The following NOL4 variants were observed in gnomAD, a reference collection of about 807,000 sequenced individuals.
NOL4 encodes the protein cancer/testis antigen 125.
A neutral mutation model predicts 75.9 loss-of-function variants in NOL4; 17 were observed. The ratio of observed to expected loss-of-function variants is 0.22; its 90% CI spans 0.15 to 0.34. NOL4 has a LOEUF of 0.34. NOL4 is among the 10% of genes least tolerant of loss of function. The pLI, the probability that NOL4 is intolerant of heterozygous loss-of-function variation, is 1.00. For synonymous variants in NOL4, 292 were observed against 289.9 expected (o/e 1.01, Z -0.07); for missense variants, 614 against 793.5 (o/e 0.77, Z 2.72).
intron 9 of NOL4, among the ~76,000 whole-genome samples, chr18:33,886,079 C>G (rs1167032027): frequency 6.6e-6 from 1 of 152,052 alleles, no homozygotes; most frequent in Admixed American, 6.6e-5. Context: ...GTAAGACAAA[C>G]ATTGCATATT....
chr18:34,171,973 G>T (rs2033086463), intron 1 of NOL4, among the ~76,000 whole-genome samples: 1 of 151,990 alleles, frequency 6.6e-6, no homozygotes, highest in Non-Finnish European at 1.5e-5. Flanking sequence ...ACAATACCCA[G>T]CAATGAAGCC....
intron 6 of NOL4, among the ~76,000 whole-genome samples, chr18:33,980,265 G>C (rs917481013): frequency 6.6e-6 from 1 of 152,024 alleles, no homozygotes; most frequent in African/African-American, 2.4e-5. Flanking sequence ...TGGAAGCTCA[G>C]TGTGATGGAC....
At chr18:34,196,038 C>A (rs1422025157) in intron 1 of NOL4, among the ~76,000 whole-genome samples, 1 of 152,006 alleles carries the variant, frequency 6.6e-6, no homozygotes. Context: ...TAATAAATCT[C>A]ATTTTCTGAC....
At chr18:34,157,498 A>G (rs1446937119) in intron 1 of NOL4, among the ~76,000 whole-genome samples, 3 of 152,162 alleles carry the variant, frequency 2.0e-5, no homozygotes, top group Admixed American at 1.3e-4. Context: ...AGTAGCTCAG[A>G]AAAAAGGTCT....
chr18:34,122,460 A>G (rs960025102), intron 2 of NOL4, among the ~76,000 whole-genome samples: 1 of 152,104 alleles, frequency 6.6e-6, no homozygotes, highest in African/African-American at 2.4e-5. Context: ...AATTTAGAAC[A>G]TCTGTTACCC....
At chr18:33,919,250 T>TA (rs1472750254) in intron 9 of NOL4, among the ~76,000 whole-genome samples, 1 of 152,146 alleles carries the variant, frequency 6.6e-6, no homozygotes, top group Non-Finnish European at 1.5e-5. Context: ...CAGCATTTTT[T>TA]ACACATCTGA....
intron 6 of NOL4, among the ~76,000 whole-genome samples, chr18:33,970,694 C>T (rs1005816586): frequency 3.3e-5 from 5 of 151,482 alleles, no homozygotes; most frequent in Admixed American, 1.3e-4. Flanking sequence ...ATAGAACTTT[C>T]GTTACTGGAA....
At chr18:34,141,303 TGACTTTC>T (rs1485931176) in intron 1 of NOL4, among the ~76,000 whole-genome samples, 1 of 152,144 alleles carries the variant, frequency 6.6e-6, no homozygotes, top group African/African-American at 2.4e-5. Flanking sequence ...AAGCTACCAA[TGACTTTC>T]TTCACAGAAT....
chr18:34,178,366 T>C (rs1260077239), intron 1 of NOL4, among the ~76,000 whole-genome samples: 8 of 151,450 alleles, frequency 5.3e-5, no homozygotes, highest in Non-Finnish European at 1.2e-4. Context: ...AGAAAACAAA[T>C]AGCAAAATAG....
At position 33,947,980 on chromosome 18, in the gene NOL4, C is replaced by T. The variant is rs565163136; in HGVS notation, c.1429-4802G>A. On this transcript the variant is annotated intron_variant, in intron 8 of 10. Transcript: ENST00000261592. ...AATGTACCGTCACACCAACAAACTT[C>T]CATTTTTGTGGGTCTAAAACTATAC... is the stretch of plus-strand genomic sequence containing the variant. Among the ~76,000 whole-genome samples, 6 of 151,986 alleles carry T rather than the reference C, an allele frequency of 3.9e-5. 1 individual carries two copies. In the South Asian group the frequency reaches 1.0e-3, roughly 26 times the overall value.
chr18:34,203,819 A>T (rs978936510), intron 1 of NOL4, among the ~76,000 whole-genome samples: 2 of 151,492 alleles, frequency 1.3e-5, no homozygotes, highest in African/African-American at 4.8e-5. Context: ...TGGCCTTGAG[A>T]ATGAAAGCTA....
intron 9 of NOL4, among the ~76,000 whole-genome samples, chr18:33,917,678 A>G (rs1476320286): frequency 6.6e-6 from 1 of 151,534 alleles, no homozygotes; most frequent in South Asian, 2.1e-4. Context: ...TTTTATTTTA[A>G]TGCTTAGTAG....
chr18:33,879,320 A>G (rs1346033376), intron 10 of NOL4, among the ~76,000 whole-genome samples: 1 of 151,970 alleles, frequency 6.6e-6, no homozygotes, highest in Non-Finnish European at 1.5e-5. Context: ...TATTCCATGA[A>G]TGTTGGCATT....
intron 5 of NOL4, among the ~76,000 whole-genome samples, chr18:34,086,656 A>T (rs1342108509): frequency 6.6e-6 from 1 of 152,082 alleles, no homozygotes. Context: ...TATTCAACCA[A>T]ATTAAATTCA....
At chr18:33,901,060 G>T (rs1599801815) in intron 9 of NOL4, among the ~76,000 whole-genome samples, 1 of 152,150 alleles carries the variant, frequency 6.6e-6, no homozygotes, top group South Asian at 2.1e-4. Flanking sequence ...AATAAAAATG[G>T]TTTCAAAATT....
intron 5 of NOL4, among the ~76,000 whole-genome samples, chr18:34,051,262 C>T (rs1290479778): frequency 1.3e-5 from 2 of 151,778 alleles, no homozygotes; most frequent in African/African-American, 4.8e-5. Context: ...ATCTATATGA[C>T]TGTAATATTT....
At chr18:34,118,987 G>A in intron 2 of NOL4, among the ~76,000 whole-genome samples, 1 of 152,008 alleles carries the variant, frequency 6.6e-6, no homozygotes, top group East Asian at 1.9e-4. Context: ...ACTCAATATG[G>A]TTCTACAGCA....
chr18:34,222,162 T>C (rs886435447), intron 1 of NOL4: 1 of 1,510,128 alleles, frequency 6.6e-7, no homozygotes, highest in African/African-American at 1.4e-5. Flanking sequence ...TGAGATGCAT[T>C]GGGCTCTCAA....
chr18:33,991,291 T>G (rs1878057205), intron 6 of NOL4, among the ~76,000 whole-genome samples: 1 of 152,054 alleles, frequency 6.6e-6, no homozygotes. Context: ...TTCTTGGATC[T>G]CTCATGTAAA....
Sources: gnomAD v4.1 joint callset for allele counts (sites outside exome capture counted in the v4.1 genomes callset) on GRCh38, gnomAD v4.1.1 for gene constraint, MANE v1.5 for transcripts, NCBI Gene and HGNC (gene_info 2026-07-23, HGNC 2026-07-21) for gene names.